Variants in ZDHHC14 observed in about 807,000 individuals in gnomAD.
ZDHHC14 encodes palmitoyltransferase ZDHHC14.
ZDHHC14 carries 16 observed loss-of-function variants against 47.7 expected under a neutral mutation model. The observed-to-expected ratio is 0.34, with a 90% CI of 0.23 to 0.51. ZDHHC14 has a LOEUF of 0.51. ZDHHC14 is among the 20% of genes least tolerant of loss of function. ZDHHC14 has a pLI of 0.97. For missense variants in ZDHHC14, 515 were observed against 662.5 expected (o/e 0.78, Z 2.44); for synonymous variants, 293 against 278.9 (o/e 1.05, Z -0.50).
intron 2 of ZDHHC14, among the ~76,000 whole-genome samples, chr6:157,570,539 C>T (rs936590934): frequency 6.6e-6 from 1 of 152,154 alleles, no homozygotes; most frequent in Non-Finnish European, 1.5e-5. Context: ...TAAAACTTTG[C>T]AAGGACAAAG....
intron 8 of ZDHHC14, among the ~76,000 whole-genome samples, chr6:157,662,196 T>A (rs1217292204): frequency 6.6e-6 from 1 of 152,182 alleles, no homozygotes; most frequent in Non-Finnish European, 1.5e-5. Flanking sequence ...TTTATTATTT[T>A]TTTGAGACAG....
At chr6:157,650,536 G>A (rs1450910562) in intron 7 of ZDHHC14, among the ~76,000 whole-genome samples, 4 of 151,948 alleles carry the variant, frequency 2.6e-5, no homozygotes, top group Admixed American at 6.6e-5. Flanking sequence ...GGCCGAGAAC[G>A]CTTGATTTTT....
chr6:157,432,217 T>A lies in ZDHHC14; in HGVS notation c.245+49951T>A, dbSNP rs113774994. On this transcript the variant is annotated intron_variant, in intron 1 of 8. Coordinates refer to ENST00000359775, the MANE Select transcript of ZDHHC14 (RefSeq NM_024630.3). ...TTGGAGGCTTCATAGCTGTGCATAT[T>A]TGAGTTTTTAAATAAATGGAAAACA... Among the ~76,000 whole-genome samples, 235 of 152,318 alleles carry A rather than the reference T, an allele frequency of 1.5e-3. 2 individuals carry two copies. The highest frequency in any genetic ancestry group is 5.3e-3 in the African/African-American group (222 of 41,558).
intron 2 of ZDHHC14, among the ~76,000 whole-genome samples, chr6:157,545,535 G>A (rs906165469): frequency 9.9e-5 from 15 of 151,960 alleles, no homozygotes; most frequent in East Asian, 5.8e-4. Flanking sequence ...AAAATTAGCC[G>A]GGTGTGGTGG....
In ZDHHC14 at chr6:157,595,174, A is replaced by ATTTTTTTTTTTTTTTTT. The variant is rs777568494; in HGVS notation, c.565+2048_565+2064dup. ...CCTCTGTTTCTTGTCTCTAGGCTAG[A>ATTTTTTTTTTTTTTTTT]TTTTTTTTTTTTTTTTTTTTTTTTT... On this transcript the variant is annotated intron_variant, in intron 3 of 8. Transcript: ENST00000359775. Among the ~76,000 whole-genome samples the ATTTTTTTTTTTTTTTTT allele has an allele frequency of 1.4e-4, 9 of 62,714 alleles. 2 individuals are homozygous for ATTTTTTTTTTTTTTTTT. Among genetic ancestry groups the ATTTTTTTTTTTTTTTTT allele is most frequent in the African/African-American group, 3.7e-4 (5 of 13,536 alleles). The allele number at this position is 62,714 out of a possible 152,430, so 41.1% of individuals were successfully genotyped here. A position where few individuals can be genotyped will look rare whatever the true frequency, so the allele number is the denominator to read the frequency against.
chr6:157,639,345 C>T (rs1777136678), intron 5 of ZDHHC14, among the ~76,000 whole-genome samples: 1 of 152,178 alleles, frequency 6.6e-6, no homozygotes, highest in Admixed American at 6.5e-5. Flanking sequence ...CACTCTTTTG[C>T]CCAGGCTGGA....
chr6:157,442,009 AG>A (rs766155780), intron 1 of ZDHHC14, among the ~76,000 whole-genome samples: 20 of 152,240 alleles, frequency 1.3e-4, no homozygotes, highest in Non-Finnish European at 2.6e-4. Context: ...TATTAACTAT[AG>A]AATGGATATA....
intron 3 of ZDHHC14, among the ~76,000 whole-genome samples, chr6:157,610,858 G>A (rs924778992): frequency 3.3e-5 from 5 of 152,324 alleles, no homozygotes; most frequent in African/African-American, 9.6e-5. Context: ...CAGCCAATTC[G>A]TAATCAGAGT....
At position 157,649,725 on chromosome 6, in the gene ZDHHC14, G is replaced by A. The variant is rs540138541; in HGVS notation, c.965+2357G>A. Among the ~76,000 whole-genome samples, 32 of 152,356 alleles carry A rather than the reference G, an allele frequency of 2.1e-4. 1 individual carries two copies. Among genetic ancestry groups the A allele is most frequent in the African/African-American group, 5.8e-4 (24 of 41,582 alleles). Reference sequence around the variant, plus strand: ...ACCAAGAGTTCAGAGACCCACATTCGGTTCCTGCAGTGTTCCCAGAGGCAG... The same window carrying A: ...ACCAAGAGTTCAGAGACCCACATTCAGTTCCTGCAGTGTTCCCAGAGGCAG... On this transcript the variant is annotated intron_variant, in intron 7 of 8. Transcript: ENST00000359775.
chr6:157,553,766 G>A (rs1450094543), intron 2 of ZDHHC14, among the ~76,000 whole-genome samples: 1 of 152,262 alleles, frequency 6.6e-6, no homozygotes, highest in East Asian at 1.9e-4. Context: ...TGGTAGATAA[G>A]TTCTGAGATT....
intron 8 of ZDHHC14, among the ~76,000 whole-genome samples, chr6:157,669,836 G>A (rs764365040): frequency 1.3e-5 from 2 of 152,234 alleles, no homozygotes; most frequent in Non-Finnish European, 2.9e-5. Flanking sequence ...TCCCAGGCCC[G>A]GCCTGCTGGA....
At chr6:157,670,977 G>A (rs1778771508) in intron 8 of ZDHHC14, among the ~76,000 whole-genome samples, 1 of 152,106 alleles carries the variant, frequency 6.6e-6, no homozygotes, top group Non-Finnish European at 1.5e-5. Context: ...AAGTGCCTTA[G>A]GATCAGCAGC....
At position 157,628,468 on chromosome 6, in the gene ZDHHC14, A is replaced by G; in HGVS notation, c.685A>G (p.Ile229Val). Residue 229 changes from isoleucine to valine, a missense_variant, in exon 4 of 9, where the codon ATC becomes GTC. Physicochemically the swap from Ile to Val is conservative, Grantham distance 29. Coordinates refer to ENST00000359775, the MANE Select transcript of ZDHHC14 (RefSeq NM_024630.3). ...FLTVFIFAFV[I>V]THVILRSQQT... ...GACAGTCTTTATATTTGCATTCGTTATCACCCACGTCATTCTTCGTAAGTA... is the reference window on the plus strand; with the variant it reads ...GACAGTCTTTATATTTGCATTCGTTGTCACCCACGTCATTCTTCGTAAGTA... The G allele has an allele frequency of 6.2e-7, 1 of 1,612,674 alleles. No individual in the cohort carries two copies. The highest frequency in any genetic ancestry group is 8.5e-7 in the Non-Finnish European group (1 of 1,179,772).
chr6:157,668,372 A>G (rs533652168), intron 8 of ZDHHC14, among the ~76,000 whole-genome samples: 92 of 152,102 alleles, frequency 6.0e-4, no homozygotes, highest in Non-Finnish European at 1.2e-3. Flanking sequence ...AGTGACTTCT[A>G]TATAGATTTT....
intron 1 of ZDHHC14, among the ~76,000 whole-genome samples, chr6:157,418,145 C>T (rs76305838): frequency 0.11 from 16,628 of 152,030 alleles, 1,519 homozygotes; most frequent in African/African-American, 0.25. Context: ...GAGGCCGTGG[C>T]TTCCCCTGGG....
intron 1 of ZDHHC14, among the ~76,000 whole-genome samples, chr6:157,489,316 C>T (rs922221322): frequency 1.3e-5 from 2 of 152,168 alleles, no homozygotes; most frequent in South Asian, 2.1e-4. Flanking sequence ...TCACTTCCTT[C>T]GTAAACGTTG....
intron 1 of ZDHHC14, among the ~76,000 whole-genome samples, chr6:157,384,270 GA>G (rs1401156743): frequency 6.6e-6 from 1 of 152,196 alleles, no homozygotes; most frequent in African/African-American, 2.4e-5. Flanking sequence ...TATGCTTAGG[GA>G]TCCCCCCAGT....
intron 1 of ZDHHC14, among the ~76,000 whole-genome samples, chr6:157,449,718 C>T (rs1219835580): frequency 6.6e-6 from 1 of 152,124 alleles, no homozygotes; most frequent in Non-Finnish European, 1.5e-5. Context: ...CTCTGGGGCA[C>T]GTGAACTAGG....
chr6:157,448,990 C>T lies in ZDHHC14; in HGVS notation c.245+66724C>T, dbSNP rs553322393. ...GCTCAGAGAGGCCTAGTGGCTTGCC[C>T]AAGGTCACACTGCTGTGAAGCAGAA... On this transcript the variant is annotated intron_variant, in intron 1 of 8. Transcript: ENST00000359775. 2.6e-5 allele frequency among the ~76,000 whole-genome samples: 4 copies of T among 152,296 alleles called. 1 individual carries two copies. In the East Asian group the frequency reaches 7.7e-4, roughly 29 times the overall value.
Sources: gnomAD v4.1 joint callset for allele counts (sites outside exome capture counted in the v4.1 genomes callset) on GRCh38, gnomAD v4.1.1 for gene constraint, MANE v1.5 for transcripts, NCBI Gene and HGNC (gene_info 2026-07-23, HGNC 2026-07-21) for gene names.